Variants in PTCHD1 observed in about 807,000 individuals in gnomAD.
PTCHD1 encodes the protein patched domain containing 1, also known as patched domain-containing protein 1.
In PTCHD1, 3 loss-of-function variants were observed where a neutral mutation model predicts 34.6. That is an observed-to-expected ratio of 0.09 (90% CI 0.04 to 0.22). The LOEUF (loss-of-function observed/expected upper bound fraction) is 0.22. PTCHD1 is among the 10% of genes least tolerant of loss of function. The pLI is 1.00. For missense variants in PTCHD1, 504 were observed against 685.5 expected, an observed-to-expected ratio of 0.74 and a Z score of 2.96; for synonymous variants, 305 against 283.1, an observed-to-expected ratio of 1.08 and a Z score of -0.77.
intron 1 of PTCHD1, among the ~76,000 whole-genome samples, chrX:23,344,354 G>A (rs1481143530): frequency 8.9e-6 from 1 of 112,242 alleles, no homozygotes; most frequent in Non-Finnish European, 1.9e-5. Flanking sequence ...TGAAGGCACT[G>A]TGTAACCATA....
rs1412787984 is a variant in PTCHD1, at chrX:23,403,398, C to T, written c.*9213C>T. On this transcript the variant is annotated 3_prime_UTR_variant, in exon 3 of 3. Transcript: ENST00000379361. ...AGTTTTGAGACAGATAAGCATAAAACCCTACTAGAAAAAAATAATAGTCAA... is the reference window on the plus strand; with the variant it reads ...AGTTTTGAGACAGATAAGCATAAAATCCTACTAGAAAAAAATAATAGTCAA... The T allele has an allele frequency of 7.2e-5, 8 of 111,566 alleles. No individual in the cohort carries two copies. The South Asian group carries it at 1.1e-3, about 16-fold the overall frequency. The allele number at this position is 111,566 out of a possible 1,213,427, so 9.2% of individuals were successfully genotyped here.
chrX:23,391,722 T>C (rs952144706), intron 2 of PTCHD1, among the ~76,000 whole-genome samples: 2 of 111,934 alleles, frequency 1.8e-5, no homozygotes, highest in African/African-American at 6.5e-5. Context: ...CTAGCCAGAC[T>C]TGTGGGGACG....
upstream of PTCHD1, chrX:23,334,787 T>TGCG: frequency 8.4e-6 from 3 of 355,324 alleles, no homozygotes; most frequent in Non-Finnish European, 1.1e-5. Flanking sequence ...CGGGCGCCGC[T>TGCG]GCCGCCGCCG....
chrX:23,359,921 C>T (rs142053765), intron 1 of PTCHD1, among the ~76,000 whole-genome samples: 10,668 of 111,325 alleles, frequency 0.096, 500 homozygotes, highest in South Asian at 0.18. Flanking sequence ...TGATTTTTGT[C>T]GATGGTTCTG....
chrX:23,354,792 C>G (rs752212796), intron 1 of PTCHD1, among the ~76,000 whole-genome samples: 4 of 108,898 alleles, frequency 3.7e-5, no homozygotes, highest in South Asian at 4.1e-4. Context: ...AGGATGGTCT[C>G]GATCTCTTGA....
intron 1 of PTCHD1, among the ~76,000 whole-genome samples, chrX:23,377,619 T>TGTGTG (rs57098332): frequency 9.3e-6 from 1 of 107,408 alleles, no homozygotes; most frequent in Non-Finnish European, 1.9e-5. Flanking sequence ...TGTGTGTGTG[T>TGTGTG]TTACATATTT....
chrX:23,348,955 T>C lies in PTCHD1; in HGVS notation c.351+13729T>C, dbSNP rs779778583. On this transcript the variant is annotated intron_variant, in intron 1 of 2. Coordinates refer to ENST00000379361, the MANE Select transcript of PTCHD1 (RefSeq NM_173495.3). ...TCATTTAAATCAATAATAGTAACAATATATTGGATGATTATAACATGGATA... is the reference window on the plus strand; with the variant it reads ...TCATTTAAATCAATAATAGTAACAACATATTGGATGATTATAACATGGATA... Among the ~76,000 whole-genome samples the C allele has an allele frequency of 2.6e-4, 29 of 111,953 alleles. No individual in the cohort carries two copies. In the South Asian group the frequency reaches 9.8e-3, roughly 38 times the overall value.
chrX:23,365,805 C>G (rs988641145), intron 1 of PTCHD1, among the ~76,000 whole-genome samples: 1 of 112,174 alleles, frequency 8.9e-6, no homozygotes, highest in Non-Finnish European at 1.9e-5. Flanking sequence ...GGTGTGCTCT[C>G]AAGAGATAAG....
chrX:23,338,388 AC>A (rs1167291980), intron 1 of PTCHD1, among the ~76,000 whole-genome samples: 3 of 112,446 alleles, frequency 2.7e-5, no homozygotes, highest in African/African-American at 9.7e-5. Context: ...TTTTATAGAT[AC>A]GTTTCGTTGC....
chrX:23,394,417 C>T lies in PTCHD1; in HGVS notation c.*232C>T, dbSNP rs1050679852. The T allele has an allele frequency of 2.8e-5, 8 of 281,559 alleles. No homozygotes were observed. The highest frequency in any genetic ancestry group is 1.2e-4 in the Admixed American group (2 of 16,468). 23.2% of individuals were successfully genotyped at this position (281,559 alleles called of 1,213,427 possible). ...GAATTCACACACACATAGACACACA[C>T]ACACACACACACACACACACACACA... On this transcript the variant is annotated 3_prime_UTR_variant, in exon 3 of 3. Transcript: ENST00000379361.
intron 1 of PTCHD1, among the ~76,000 whole-genome samples, chrX:23,373,377 C>T (rs930959429): frequency 2.7e-5 from 3 of 112,923 alleles, no homozygotes; most frequent in Non-Finnish European, 5.6e-5. Flanking sequence ...TCTTTTGTCA[C>T]TGGAGCAGGT....
Position 23,335,161 on chromosome X carries a change from G to A in PTCHD1, c.286G>A (p.Val96Ile). Residue 96 changes from valine (V) to isoleucine (I), a missense_variant, in exon 1 of 3, where the codon GTC becomes ATC. Coordinates refer to ENST00000379361, the MANE Select transcript of PTCHD1 (RefSeq NM_173495.3). ...GCAGACCCCCGGGCGCTACGGCCGG[G>A]TCATCGTCACCTCCTTCCAGAAAGC... Reference protein sequence around the residue: ...DLQTPGRYGRVIVTSFQKANM... With the variant: ...DLQTPGRYGRIIVTSFQKANM... 1.6e-6 allele frequency: 2 copies of A among 1,212,150 alleles called. No individual in the cohort carries two copies. Among genetic ancestry groups the A allele is most frequent in the Non-Finnish European group, 2.2e-6 (2 of 895,516 alleles).
At chrX:23,372,070 T>G (rs1601911892) in intron 1 of PTCHD1, among the ~76,000 whole-genome samples, 3 of 111,342 alleles carry the variant, frequency 2.7e-5, no homozygotes, top group African/African-American at 9.8e-5. Flanking sequence ...GAACTCATAT[T>G]TGAATGGGGG....
chrX:23,349,153 T>C (rs1921557590), intron 1 of PTCHD1, among the ~76,000 whole-genome samples: 1 of 110,585 alleles, frequency 9.0e-6, no homozygotes, highest in African/African-American at 3.3e-5. Context: ...AGAAGTAAAA[T>C]TGATACACTA....
rs1922908391 is a variant in PTCHD1 at position 23,394,134 on chromosome X, A to T, written c.2616A>T (p.Glu872Asp). Residue 872 changes from glutamate (E) to aspartate (D), a missense_variant, in exon 3 of 3, where the codon GAA (glutamate) becomes GAT (aspartate). By Grantham distance (45) the Glu-to-Asp change is conservative. Coordinates refer to ENST00000379361, the MANE Select transcript of PTCHD1 (RefSeq NM_173495.3). ...ACCGGGAGGAAATTGAGTGTGTAGA[A>T]ATGGTAGATATCGATAGTACCCGTG... is the stretch of plus-strand genomic sequence containing the variant. ...PENREEIECV[E>D]MVDIDSTRVV... 8.3e-7 allele frequency: 1 copy of T among 1,207,252 alleles called. No homozygotes were observed. Among genetic ancestry groups the T allele is most frequent in the African/African-American group, 1.8e-5 (1 of 56,509 alleles).
intron 1 of PTCHD1, among the ~76,000 whole-genome samples, chrX:23,355,620 T>G (rs1358113608): frequency 8.9e-6 from 1 of 112,591 alleles, no homozygotes; most frequent in Non-Finnish European, 1.9e-5. Flanking sequence ...TTCTATTACA[T>G]TATGTCTCAG....
At chrX:23,387,394 T>G (rs145889035) in intron 2 of PTCHD1, among the ~76,000 whole-genome samples, 1 of 111,054 alleles carries the variant, frequency 9.0e-6, no homozygotes, top group African/African-American at 3.3e-5. Context: ...CAGTTGAATT[T>G]TTTTTTCCGC....
intron 1 of PTCHD1, among the ~76,000 whole-genome samples, chrX:23,375,948 G>T (rs1284581020): frequency 9.0e-6 from 1 of 111,611 alleles, no homozygotes; most frequent in Non-Finnish European, 1.9e-5. Context: ...CTAACATTCA[G>T]TTTTGGCCTC....
Position 23,349,758 on chromosome X carries a change from C to G in PTCHD1, c.351+14532C>G, listed in dbSNP as rs148962430. 5.0e-3 allele frequency among the ~76,000 whole-genome samples: 554 copies of G among 110,785 alleles called. 20 individuals carry two copies. In the East Asian group the frequency reaches 0.076, roughly 15 times the overall value. On this transcript the variant is annotated intron_variant, in intron 1 of 2. Coordinates refer to ENST00000379361, the MANE Select transcript of PTCHD1 (RefSeq NM_173495.3). ...ATTCCTCTGTCAGTAATGGATTAAACAAAAACAGGCAGAAAATAATTAAGG... is the reference window on the plus strand; with the variant it reads ...ATTCCTCTGTCAGTAATGGATTAAAGAAAAACAGGCAGAAAATAATTAAGG...
Sources: gnomAD v4.1 joint callset for allele counts (sites outside exome capture counted in the v4.1 genomes callset) on GRCh38, gnomAD v4.1.1 for gene constraint, MANE v1.5 for transcripts, NCBI Gene and HGNC (gene_info 2026-07-23, HGNC 2026-07-21) for gene names.